The following MCCC2 variants were observed in gnomAD, a reference collection of about 807,000 sequenced individuals.
MCCC2 encodes methylcrotonoyl-CoA carboxylase beta chain, mitochondrial.
In MCCC2, 52 loss-of-function variants were observed where a neutral mutation model predicts 77.2. The observed-to-expected ratio is 0.67, with a 90% CI of 0.54 to 0.85. The LOEUF (loss-of-function observed/expected upper bound fraction) is 0.85, where lower values mean the gene tolerates loss of function less well. Among genes scored for constraint, MCCC2 ranks in the 40% least tolerant of loss-of-function variants. The probability of loss-of-function intolerance (pLI) is 0.00; values close to 1 mark genes in which losing one functional copy is unlikely to be tolerated. For missense variants in MCCC2, 682 were observed against 703.2 expected (o/e 0.97, Z 0.34); for synonymous variants, 253 against 248.4 (o/e 1.02, Z -0.18).
chr5:71,602,802 A>G, intron 5 of MCCC2, 169 bp downstream of exon 5: 1 of 967,412 alleles, frequency 1.0e-6, no homozygotes, highest in Non-Finnish European at 1.5e-6. Context: ...GGGAAAGTAA[A>G]CAAGAACTGT....
At chr5:71,643,517 A>G (rs1338938281) in intron 11 of MCCC2, among the ~76,000 whole-genome samples, 1 of 152,224 alleles carries the variant, frequency 6.6e-6, no homozygotes, top group Non-Finnish European at 1.5e-5. Context: ...TACATACTAG[A>G]CACTCAGATA....
At chr5:71,610,536 C>T (rs1745893452) in intron 6 of MCCC2, among the ~76,000 whole-genome samples, 1 of 152,222 alleles carries the variant, frequency 6.6e-6, no homozygotes, top group Non-Finnish European at 1.5e-5. Flanking sequence ...TTCTGCGTCG[C>T]TCACGCTGAG....
intron 8 of MCCC2, among the ~76,000 whole-genome samples, chr5:71,633,476 A>G (rs999378897): frequency 3.9e-5 from 6 of 152,036 alleles, no homozygotes; most frequent in Non-Finnish European, 5.9e-5. Flanking sequence ...TCTACTACAT[A>G]TAACAGTAAT....
intron 8 of MCCC2, among the ~76,000 whole-genome samples, chr5:71,633,131 A>ATATATATATATTTTTTTTTTTTTT (rs1554137344): frequency 1.3e-5 from 1 of 78,082 alleles, no homozygotes; most frequent in African/African-American, 5.1e-5. Context: ...ATATATATAT[A>ATATATATATATTTTTTTTTTTTTT]TTTTTATTTT....
Position 71,607,169 on chromosome 5 carries a change from A to G in MCCC2, c.624+2701A>G, listed in dbSNP as rs1034803656. On this transcript the variant is annotated intron_variant, in intron 6 of 16. Transcript: ENST00000340941. ...AGGAATGGTACCAGTTCCTTCTTGTACCTCTGGTAGAATTCGGCTGTGAAT... is the reference window on the plus strand; with the variant it reads ...AGGAATGGTACCAGTTCCTTCTTGTGCCTCTGGTAGAATTCGGCTGTGAAT... 9.6e-4 allele frequency among the ~76,000 whole-genome samples: 146 copies of G among 152,088 alleles called. 2 individuals carry two copies. Among genetic ancestry groups the G allele is most frequent in the African/African-American group, 2.9e-3 (121 of 41,448 alleles).
At chr5:71,649,043 G>A (rs191857057) in intron 13 of MCCC2, 54 bp from the exon 14 acceptor site, 24 of 1,596,824 alleles carry the variant, frequency 1.5e-5, no homozygotes, top group African/African-American at 1.2e-4. Context: ...GTGGAATTGC[G>A]TTCCGCATAT....
At chr5:71,591,848 G>T (rs1346963447) in intron 1 of MCCC2, among the ~76,000 whole-genome samples, 1 of 152,142 alleles carries the variant, frequency 6.6e-6, no homozygotes, top group African/African-American at 2.4e-5. Flanking sequence ...AAACTCCTGG[G>T]CTCAAGAGAT....
intron 6 of MCCC2, among the ~76,000 whole-genome samples, chr5:71,624,819 G>T (rs1171729120): frequency 6.6e-6 from 1 of 151,188 alleles, no homozygotes; most frequent in Admixed American, 6.6e-5. Context: ...TCAGCCTCCT[G>T]AGTAGCTGGG....
intron 8 of MCCC2, 65 bp downstream of exon 8, chr5:71,632,250 GT>G: frequency 6.5e-7 from 1 of 1,536,912 alleles, no homozygotes; most frequent in Non-Finnish European, 9.0e-7. Context: ...TTTAAAAGAA[GT>G]TTTACGTATT....
chr5:71,632,089 G>GA, intron 7 of MCCC2, 32 bp from the exon 8 acceptor site: 2 of 1,603,860 alleles, frequency 1.2e-6, no homozygotes, highest in Non-Finnish European at 1.7e-6. Flanking sequence ...CTGATGGACC[G>GA]ATTTCACTGA....
chr5:71,637,750 A>G (rs1417007486), intron 10 of MCCC2, among the ~76,000 whole-genome samples: 2 of 151,790 alleles, frequency 1.3e-5, no homozygotes, highest in African/African-American at 2.4e-5. Flanking sequence ...ACTGAGTCTC[A>G]CTCTGTCACC....
intron 6 of MCCC2, among the ~76,000 whole-genome samples, chr5:71,621,800 A>G (rs1008018448): frequency 2.6e-5 from 4 of 152,176 alleles, no homozygotes; most frequent in South Asian, 2.1e-4. Context: ...CAAAAAAAAA[A>G]AGAAAGAATG....
At chr5:71,656,719 A>G in intron 16 of MCCC2, 24 bp from the exon 17 acceptor site, 1 of 1,576,796 alleles carries the variant, frequency 6.3e-7, no homozygotes, top group East Asian at 2.2e-5. Flanking sequence ...TAAATTCATA[A>G]CTCTTTTTTT....
At chr5:71,639,504 G>C (rs1374471424) in intron 10 of MCCC2, among the ~76,000 whole-genome samples, 1 of 151,888 alleles carries the variant, frequency 6.6e-6, no homozygotes, top group Non-Finnish European at 1.5e-5. Flanking sequence ...TTAAGACCTT[G>C]CTCTGGATTA....
At chr5:71,612,823 C>T (rs1386447747) in intron 6 of MCCC2, among the ~76,000 whole-genome samples, 2 of 152,204 alleles carry the variant, frequency 1.3e-5, no homozygotes, top group Non-Finnish European at 2.9e-5. Context: ...CTCAGATCAT[C>T]CTCCTACCTT....
intron 6 of MCCC2, among the ~76,000 whole-genome samples, chr5:71,607,843 C>T (rs1745752469): frequency 6.9e-6 from 1 of 145,774 alleles, no homozygotes; most frequent in Non-Finnish European, 1.5e-5. Context: ...ACCCAGTGGT[C>T]ATTCAGGAGC....
intron 1 of MCCC2, among the ~76,000 whole-genome samples, chr5:71,591,384 C>T (rs1369646703): frequency 6.6e-6 from 1 of 151,126 alleles, no homozygotes; most frequent in Non-Finnish European, 1.5e-5. Context: ...TCAATATTTC[C>T]TTGTGTATTA....
At chr5:71,631,030 T>A (rs1298705793) in intron 7 of MCCC2, among the ~76,000 whole-genome samples, 1 of 152,248 alleles carries the variant, frequency 6.6e-6, no homozygotes, top group African/African-American at 2.4e-5. Context: ...CTTAATTTAT[T>A]ACTGGAGTTT....
chr5:71,587,500 G>C lies in MCCC2; in HGVS notation c.75G>C (p.Gly25=). 6.5e-7 allele frequency: 1 copy of C among 1,538,162 alleles called. No individual in the cohort carries two copies. The highest frequency in any genetic ancestry group is 2.4e-5 in the East Asian group (1 of 41,084). ...CCGCCGGGCCGCGCGCCTATCACGG[G>C]GACTCGGTGGCCTCGCTGGGCACCC... ...ASPAGPRAYH[G]DSVASLGTQP... Residue 25 remains glycine, a synonymous_variant, in exon 1 of 17, where the codon GGG becomes GGC. Coordinates refer to ENST00000340941, the MANE Select transcript of MCCC2 (RefSeq NM_022132.5).
Sources: allele counts gnomAD v4.1 joint callset (sites outside exome capture counted in the v4.1 genomes callset), GRCh38; gene constraint gnomAD v4.1.1; transcripts MANE v1.5; gene names NCBI Gene and HGNC (gene_info 2026-07-23, HGNC 2026-07-21).